Variants in SHISA6 observed in about 807,000 individuals in gnomAD.
SHISA6 encodes the protein shisa family member 6.
SHISA6 carries 22 observed loss-of-function variants against 47.9 expected under a neutral mutation model. The observed-to-expected ratio is 0.46, with a 90% CI of 0.33 to 0.66. The LOEUF (loss-of-function observed/expected upper bound fraction) is 0.66. SHISA6 is among the 30% of genes least tolerant of loss of function. SHISA6 has a pLI of 0.02. For missense variants in SHISA6, 680 were observed against 764.6 expected (o/e 0.89, Z 1.30); for synonymous variants, 388 against 337.8 (o/e 1.15, Z -1.63).
intron 2 of SHISA6, among the ~76,000 whole-genome samples, chr17:11,326,767 T>C (rs146853688): frequency 2.0e-5 from 3 of 152,250 alleles, no homozygotes; most frequent in African/African-American, 7.2e-5. Context: ...GTCAGTCCAC[T>C]GATCCACTTA....
At chr17:11,293,663 G>A (rs769961861) in intron 2 of SHISA6, among the ~76,000 whole-genome samples, 53 of 151,956 alleles carry the variant, frequency 3.5e-4, no homozygotes, top group Admixed American at 1.1e-3. Context: ...GAGGTTGGTG[G>A]GGCTTTGAGC....
chr17:11,524,993 A>G (rs543247527), intron 3 of SHISA6, among the ~76,000 whole-genome samples: 1 of 152,338 alleles, frequency 6.6e-6, no homozygotes, highest in South Asian at 2.1e-4. Flanking sequence ...ATGTCTAACA[A>G]ATGAAAGGCC....
At chr17:11,354,638 TCA>T (rs1175781683) in intron 2 of SHISA6, among the ~76,000 whole-genome samples, 1 of 152,152 alleles carries the variant, frequency 6.6e-6, no homozygotes, top group Non-Finnish European at 1.5e-5. Context: ...TGGGAGGAGC[TCA>T]CACATCAGCC....
intron 2 of SHISA6, among the ~76,000 whole-genome samples, chr17:11,264,497 C>T (rs1238596507): frequency 6.6e-6 from 1 of 152,202 alleles, no homozygotes. Flanking sequence ...GGACAGTCTC[C>T]TTAACAAGTA....
chr17:11,355,228 T>A (rs2142224236), intron 2 of SHISA6, among the ~76,000 whole-genome samples: 1 of 152,312 alleles, frequency 6.6e-6, no homozygotes, highest in East Asian at 1.9e-4. Context: ...CCGAAGTAAC[T>A]GAGCAGGGCT....
chr17:11,282,595 G>A (rs1909161425), intron 2 of SHISA6, among the ~76,000 whole-genome samples: 3 of 152,092 alleles, frequency 2.0e-5, no homozygotes, highest in South Asian at 4.2e-4. Context: ...TCCCAGCCCT[G>A]TGTTCAAGTG....
intron 2 of SHISA6, among the ~76,000 whole-genome samples, chr17:11,271,620 T>A (rs1160407847): frequency 4.1e-5 from 5 of 122,360 alleles, no homozygotes; most frequent in South Asian, 2.8e-4. Flanking sequence ...TTTTTTTTTT[T>A]TTTTTTTTTT....
At chr17:11,271,963 C>T (rs1457091681) in intron 2 of SHISA6, among the ~76,000 whole-genome samples, 1 of 152,082 alleles carries the variant, frequency 6.6e-6, no homozygotes, top group East Asian at 1.9e-4. Flanking sequence ...AGCCCACCCT[C>T]CTTTTCACAC....
At chr17:11,403,896 C>T (rs982488371) in intron 3 of SHISA6, among the ~76,000 whole-genome samples, 1 of 152,202 alleles carries the variant, frequency 6.6e-6, no homozygotes, top group Non-Finnish European at 1.5e-5. Context: ...AGGCATGTCC[C>T]CATGGGGCCA....
chr17:11,319,092 T>C (rs1041095275), intron 2 of SHISA6, among the ~76,000 whole-genome samples: 2 of 138,324 alleles, frequency 1.4e-5, no homozygotes, highest in Non-Finnish European at 1.6e-5. Flanking sequence ...TTTTTTTTTT[T>C]CCTTGAGATG....
intron 2 of SHISA6, among the ~76,000 whole-genome samples, chr17:11,268,348 C>T (rs997204687): frequency 6.6e-6 from 1 of 152,174 alleles, no homozygotes; most frequent in Non-Finnish European, 1.5e-5. Flanking sequence ...CACTCTGCCA[C>T]AGTCCTGCAT....
intron 2 of SHISA6, among the ~76,000 whole-genome samples, chr17:11,269,804 G>A (rs1183003785): frequency 1.3e-5 from 2 of 152,092 alleles, no homozygotes; most frequent in African/African-American, 4.8e-5. Context: ...AGGCACACAG[G>A]GGTCACTTAA....
chr17:11,437,083 G>A (rs1418747898), intron 3 of SHISA6, among the ~76,000 whole-genome samples: 6 of 152,200 alleles, frequency 3.9e-5, no homozygotes, highest in Admixed American at 2.0e-4. Context: ...TGAGGGACAG[G>A]GAGATGCAAG....
At chr17:11,482,736 C>G (rs1220298416) in intron 3 of SHISA6, among the ~76,000 whole-genome samples, 1 of 151,952 alleles carries the variant, frequency 6.6e-6, no homozygotes, top group Non-Finnish European at 1.5e-5. Context: ...AATATTGGGG[C>G]CAAAACTTTG....
intron 3 of SHISA6, among the ~76,000 whole-genome samples, chr17:11,471,797 GT>G (rs1327340624): frequency 6.6e-6 from 1 of 152,176 alleles, no homozygotes; most frequent in Non-Finnish European, 1.5e-5. Flanking sequence ...TTTTAGAGCA[GT>G]TTTAGTTTCA....
chr17:11,266,690 T>C (rs1908436449), intron 2 of SHISA6, among the ~76,000 whole-genome samples: 1 of 152,204 alleles, frequency 6.6e-6, no homozygotes, highest in Non-Finnish European at 1.5e-5. Flanking sequence ...GACCAGGCTA[T>C]GAAGGCACAT....
intron 3 of SHISA6, chr17:11,380,425 G>A (rs1270550342): frequency 2.0e-5 from 3 of 152,128 alleles, no homozygotes; most frequent in African/African-American, 7.2e-5. Flanking sequence ...ATTTTCTGTT[G>A]TGTCTATTTG....
chr17:11,315,953 A>G lies in SHISA6; in HGVS notation c.799+52427A>G, dbSNP rs550630525. Among the ~76,000 whole-genome samples, 4 of 152,320 alleles carry G rather than the reference A, an allele frequency of 2.6e-5. No individual in the cohort carries two copies. The East Asian group carries it at 7.7e-4, about 29-fold the overall frequency. Reference sequence around the variant, plus strand: ...TTTTTTATGCTCTGAAGTGGTTTAAATAACAAAAGTGATATATATTATTTA... The same window carrying G: ...TTTTTTATGCTCTGAAGTGGTTTAAGTAACAAAAGTGATATATATTATTTA... On this transcript the variant is annotated intron_variant, in intron 2 of 5. Coordinates refer to ENST00000441885, the MANE Select transcript of SHISA6 (RefSeq NM_207386.4).
At chr17:11,249,421 C>G (rs182125217) in intron 1 of SHISA6, among the ~76,000 whole-genome samples, 3 of 152,106 alleles carry the variant, frequency 2.0e-5, no homozygotes, top group Non-Finnish European at 4.4e-5. Flanking sequence ...CATTCATAGA[C>G]GCCAGTTTTG....
Sources: allele counts gnomAD v4.1 joint callset (sites outside exome capture counted in the v4.1 genomes callset), GRCh38; gene constraint gnomAD v4.1.1; transcripts MANE v1.5; gene names NCBI Gene and HGNC (gene_info 2026-07-23, HGNC 2026-07-21).